Variants in SUGP1 observed in about 807,000 individuals in gnomAD.
SUGP1 encodes SURP and G-patch domain containing 1.
In SUGP1, 34 loss-of-function variants were observed where a neutral mutation model predicts 76.5. The observed-to-expected ratio is 0.44, with a 90% CI of 0.34 to 0.59. The LOEUF is 0.59. SUGP1 is among the 20% of genes least tolerant of loss of function. SUGP1 has a pLI of 0.01. For synonymous variants in SUGP1, 326 were observed against 326.2 expected, an observed-to-expected ratio of 1.00 and a Z score of 0.01; for missense variants, 752 against 851.7, an observed-to-expected ratio of 0.88 and a Z score of 1.46.
chr19:19,288,809 G>A (rs1418820595), intron 8 of SUGP1, among the ~76,000 whole-genome samples: 3 of 151,518 alleles, frequency 2.0e-5, no homozygotes, highest in Non-Finnish European at 2.9e-5. Flanking sequence ...TTTGTGAGAC[G>A]GAGTCTTGCT....
At chr19:19,300,557 G>A (rs1440399431) in intron 7 of SUGP1, among the ~76,000 whole-genome samples, 1 of 152,194 alleles carries the variant, frequency 6.6e-6, no homozygotes, top group Non-Finnish European at 1.5e-5. Context: ...GTGCTTTGGG[G>A]CTGCCTCACA....
chr19:19,302,148 G>A, intron 7 of SUGP1, 117 bp downstream of exon 7: 1 of 1,491,484 alleles, frequency 6.7e-7, no homozygotes, highest in East Asian at 2.3e-5. Context: ...TCTTGGACCT[G>A]CCAGCTTCTC....
At chr19:19,296,905 A>G (rs2061229948) in intron 8 of SUGP1, 84 bp downstream of exon 8, 3 of 1,163,002 alleles carry the variant, frequency 2.6e-6, no homozygotes, top group East Asian at 2.6e-5. Flanking sequence ...TACAAGCTAC[A>G]CTGTGGATGA....
chr19:19,276,509 T>A lies in SUGP1; in HGVS notation c.*139A>T. Reference sequence around the variant, plus strand: ...GGGCTTCCTGCAACAGGACCAGGCATCTGTGGTGGATGAGCACTGGGACTT... The same window carrying A: ...GGGCTTCCTGCAACAGGACCAGGCAACTGTGGTGGATGAGCACTGGGACTT... On this transcript the variant is annotated 3_prime_UTR_variant, in exon 14 of 14. Coordinates refer to ENST00000247001, the MANE Select transcript of SUGP1 (RefSeq NM_172231.4). The A allele has an allele frequency of 1.0e-6, 1 of 993,278 alleles. No individual in the cohort carries two copies. The highest frequency in any genetic ancestry group is 1.5e-6 in the Non-Finnish European group (1 of 649,096). The allele number at this position is 993,278 out of a possible 1,614,324, so 61.5% of individuals were successfully genotyped here.
chr19:19,295,908 T>C (rs1183135886), intron 8 of SUGP1, among the ~76,000 whole-genome samples: 1 of 152,018 alleles, frequency 6.6e-6, no homozygotes, highest in Admixed American at 6.6e-5. Flanking sequence ...AATAGACATT[T>C]CTCCAAAGAA....
chr19:19,318,869 G>C (rs1021957735), intron 1 of SUGP1, among the ~76,000 whole-genome samples: 1 of 152,104 alleles, frequency 6.6e-6, no homozygotes, highest in Admixed American at 6.6e-5. Flanking sequence ...GTGATAGTAT[G>C]GAGACAGGGA....
chr19:19,295,563 C>T (rs533878402), intron 8 of SUGP1, among the ~76,000 whole-genome samples: 1 of 140,042 alleles, frequency 7.1e-6, no homozygotes, highest in South Asian at 2.3e-4. Context: ...GAGACTGTGC[C>T]ACACTGTACT....
chr19:19,293,205 T>C (rs2061199593), intron 8 of SUGP1, among the ~76,000 whole-genome samples: 1 of 151,406 alleles, frequency 6.6e-6, no homozygotes, highest in Non-Finnish European at 1.5e-5. Flanking sequence ...TCACCGTGCC[T>C]GGCCTGTTTT....
At chr19:19,277,496 C>A (rs904043394) in intron 12 of SUGP1, among the ~76,000 whole-genome samples, 3 of 152,286 alleles carry the variant, frequency 2.0e-5, no homozygotes, top group African/African-American at 7.2e-5. Context: ...CTCACCCACC[C>A]CATCTGGCCT....
intron 8 of SUGP1, among the ~76,000 whole-genome samples, chr19:19,282,822 A>C (rs550692879): frequency 1.1e-4 from 16 of 152,312 alleles, no homozygotes; most frequent in African/African-American, 3.1e-4. Flanking sequence ...TCACGCCTGT[A>C]ATCCCAGAAC....
intron 6 of SUGP1, among the ~76,000 whole-genome samples, chr19:19,302,936 C>T (rs1388389610): frequency 6.6e-6 from 1 of 152,122 alleles, no homozygotes; most frequent in Non-Finnish European, 1.5e-5. Flanking sequence ...AGTGTCTGTC[C>T]CCCAGGCCCT....
intron 3 of SUGP1, among the ~76,000 whole-genome samples, chr19:19,307,719 C>A (rs546687978): frequency 6.6e-6 from 1 of 151,622 alleles, no homozygotes; most frequent in East Asian, 1.9e-4. Flanking sequence ...AGTGCAGTGG[C>A]GTGAGCTCAG....
At chr19:19,310,650 ATCT>A (rs1320166540) in intron 2 of SUGP1, among the ~76,000 whole-genome samples, 8 of 151,540 alleles carry the variant, frequency 5.3e-5, no homozygotes, top group African/African-American at 1.9e-4. Context: ...CTCCCTCTCT[ATCT>A]ATCTATCCGA....
chr19:19,286,691 C>CGGGCAACAT (rs1599849204), intron 8 of SUGP1, among the ~76,000 whole-genome samples: 1 of 151,188 alleles, frequency 6.6e-6, no homozygotes, highest in African/African-American at 2.4e-5. Context: ...GAGTCCAGCC[C>CGGGCAACAT]GGGCAACATA....
At chr19:19,304,052 G>T in intron 4 of SUGP1, 5 of 1,556,148 alleles carry the variant, frequency 3.2e-6, no homozygotes, top group Non-Finnish European at 4.3e-6. Context: ...CACTAGGTGG[G>T]AGAGAAGTGT....
intron 11 of SUGP1, among the ~76,000 whole-genome samples, chr19:19,278,401 T>C (rs2061070595): frequency 6.6e-6 from 1 of 152,198 alleles, no homozygotes; most frequent in Non-Finnish European, 1.5e-5. Context: ...CGTGGGGACT[T>C]CTGCCGGAGA....
In SUGP1 at chr19:19,306,075, G is replaced by C; in HGVS notation, c.312C>G (p.Asp104Glu). The C allele has an allele frequency of 6.3e-7, 1 of 1,589,470 alleles. No individual in the cohort carries two copies. Among genetic ancestry groups the C allele is most frequent in the African/African-American group, 1.3e-5 (1 of 74,130 alleles). Residue 104 changes from aspartate to glutamate, a missense_variant and splice_region_variant, in exon 4 of 14, where the codon GAC (aspartate) becomes GAG (glutamate). Physicochemically the swap from Asp to Glu is conservative, Grantham distance 45. Coordinates refer to ENST00000247001, the MANE Select transcript of SUGP1 (RefSeq NM_172231.4). ...GGGCGCTGGGCGCACTGGTCGGGGCGTCTGGTATAGAAGGAAGGATATGCG... is the reference window on the plus strand; with the variant it reads ...GGGCGCTGGGCGCACTGGTCGGGGCCTCTGGTATAGAAGGAAGGATATGCG... The part of the protein sequence containing the change: ...LKLQKAQTST[D>E]APTSAPSAPP...
chr19:19,282,947 G>A (rs1339119417), intron 8 of SUGP1, among the ~76,000 whole-genome samples: 2 of 152,050 alleles, frequency 1.3e-5, no homozygotes, highest in South Asian at 2.1e-4. Flanking sequence ...CGTGGTGGCA[G>A]GCGCCTGTCG....
Position 19,277,052 on chromosome 19 carries a change from A to G in SUGP1, c.1806T>C (p.Ala602=). 6.2e-7 allele frequency: 1 copy of G among 1,611,928 alleles called. No homozygotes were observed. Among genetic ancestry groups the G allele is most frequent in the Non-Finnish European group, 8.5e-7 (1 of 1,179,836 alleles). ...CCGCCGGCCGGTCAATGCCGAAGCCAGCGCCGTCCACTGTGGTGGTGCCCC... is the reference window on the plus strand; with the variant it reads ...CCGCCGGCCGGTCAATGCCGAAGCCGGCGCCGTCCACTGTGGTGGTGCCCC... ...VNKGTTTVDG[A]GFGIDRPAEL... The change falls in exon 13 of 14, where the codon GCT becomes GCC. Residue 602 remains alanine (A), a synonymous_variant. Coordinates refer to ENST00000247001, the MANE Select transcript of SUGP1 (RefSeq NM_172231.4).
Sources: gnomAD v4.1 joint callset for allele counts (sites outside exome capture counted in the v4.1 genomes callset) on GRCh38, gnomAD v4.1.1 for gene constraint, MANE v1.5 for transcripts, NCBI Gene and HGNC (gene_info 2026-07-23, HGNC 2026-07-21) for gene names.